GRB10: variants seen among roughly 807,000 people sequenced by gnomAD.
GRB10 encodes the protein growth factor receptor-bound protein 10.
In GRB10, 20 loss-of-function variants were observed where a neutral mutation model predicts 80.9. The ratio of observed to expected loss-of-function variants is 0.25; its 90% confidence interval spans 0.17 to 0.36. GRB10 has a LOEUF of 0.36. Among genes scored for constraint, GRB10 ranks in the 10% least tolerant of loss-of-function variants. The pLI is 1.00. For missense variants in GRB10, 548 were observed against 747.7 expected (o/e 0.73, Z 3.12); for synonymous variants, 291 against 291.5 (o/e 1.00, Z 0.02).
At chr7:50,636,089 TGC>T (rs1217802953) in intron 7 of GRB10, among the ~76,000 whole-genome samples, 1 of 151,134 alleles carries the variant, frequency 6.6e-6, no homozygotes, top group Non-Finnish European at 1.5e-5. Flanking sequence ...GTGATTCTTC[TGC>T]CTCAGCCTCC....
intron 7 of GRB10, among the ~76,000 whole-genome samples, chr7:50,631,075 G>T (rs569189321): frequency 6.6e-6 from 1 of 152,136 alleles, no homozygotes; most frequent in African/African-American, 2.4e-5. Context: ...CCCCCACGGG[G>T]TTGTTGTGTG....
intron 2 of GRB10, among the ~76,000 whole-genome samples, chr7:50,757,022 T>G (rs1162261746): frequency 6.6e-6 from 1 of 152,138 alleles, no homozygotes; most frequent in South Asian, 2.1e-4. Context: ...ATTTTCCTAA[T>G]TGTTAAACGG....
chr7:50,705,304 C>G (rs186483898), intron 4 of GRB10: 1 of 985,550 alleles, frequency 1.0e-6, no homozygotes, highest in Non-Finnish European at 1.2e-6. Context: ...AAGTTGCGTT[C>G]ACACCTTCCT....
At position 50,642,361 on chromosome 7, in the gene GRB10, CATAT is replaced by C. The variant is rs201038118; in HGVS notation, c.505-15387_505-15384del. Among the ~76,000 whole-genome samples, 1,234 of 152,200 alleles carry C rather than the reference CATAT, an allele frequency of 8.1e-3. 15 individuals carry two copies. Among genetic ancestry groups the C allele is most frequent in the African/African-American group, 0.028 (1,177 of 41,512 alleles). On this transcript the variant is annotated intron_variant, in intron 7 of 18. Coordinates refer to ENST00000401949, the MANE Select transcript of GRB10 (RefSeq NM_001350814.2). ...GCATACAGATACACAAATGCACACA[CATAT>C]ATGCCGTATACACCTACATATATGT... is the stretch of plus-strand genomic sequence containing the variant.
chr7:50,730,854 G>A (rs1441141376), intron 4 of GRB10, among the ~76,000 whole-genome samples: 4 of 152,188 alleles, frequency 2.6e-5, no homozygotes, highest in East Asian at 1.9e-4. Context: ...ATACCCAGCC[G>A]AGGACAGCAC....
intron 1 of GRB10, among the ~76,000 whole-genome samples, chr7:50,789,722 A>G (rs1260308013): frequency 1.3e-5 from 2 of 152,204 alleles, no homozygotes; most frequent in African/African-American, 4.8e-5. Context: ...TGTAAAGTAG[A>G]TGGTTCAAAA....
intron 2 of GRB10, chr7:50,762,164 T>C (rs1207685192): frequency 1.3e-5 from 2 of 151,740 alleles, no homozygotes; most frequent in East Asian, 3.9e-4. Flanking sequence ...TTAGAACCGA[T>C]CTGAACGTTT....
intron 2 of GRB10, among the ~76,000 whole-genome samples, chr7:50,773,530 C>G (rs1460818192): frequency 1.4e-5 from 2 of 145,126 alleles, no homozygotes; most frequent in Non-Finnish European, 3.0e-5. Context: ...GAGGAGAGGA[C>G]AGGAAACGAA....
chr7:50,676,723 T>C (rs998530617), intron 5 of GRB10, among the ~76,000 whole-genome samples: 4 of 151,620 alleles, frequency 2.6e-5, no homozygotes, highest in Admixed American at 2.6e-4. Context: ...ACAACAACAA[T>C]GAGGGAGGGA....
intron 3 of GRB10, 57 bp from the exon 4 acceptor site, chr7:50,732,425 A>G: frequency 1.9e-6 from 2 of 1,033,096 alleles, no homozygotes; most frequent in Non-Finnish European, 3.0e-6. Context: ...AAAATCCACT[A>G]CTTATGGCTG....
chr7:50,670,390 C>T (rs916316209), intron 6 of GRB10, among the ~76,000 whole-genome samples: 1 of 151,724 alleles, frequency 6.6e-6, no homozygotes, highest in Non-Finnish European at 1.5e-5. Flanking sequence ...CCGAACTGTA[C>T]CCTGAAAAAA....
At chr7:50,778,848 A>G (rs923212291) in intron 2 of GRB10, among the ~76,000 whole-genome samples, 40 of 152,234 alleles carry the variant, frequency 2.6e-4, no homozygotes, top group African/African-American at 9.2e-4. Context: ...CAATTCCTAC[A>G]TTCTTAAAAG....
chr7:50,777,117 T>C (rs2077740427), intron 2 of GRB10, among the ~76,000 whole-genome samples: 1 of 152,198 alleles, frequency 6.6e-6, no homozygotes, highest in Non-Finnish European at 1.5e-5. Context: ...CTCATGGTTC[T>C]GGAAGAGAGG....
chr7:50,755,799 G>A (rs760441556), intron 3 of GRB10, 88 bp downstream of exon 3: 99 of 398,230 alleles, frequency 2.5e-4, no homozygotes, highest in Middle Eastern at 1.3e-3. Flanking sequence ...ACAGTGACAC[G>A]CATTCACTGA....
rs373877664 is a variant in GRB10, at chr7:50,608,080, T to G, written c.1195-1666A>C. 7.9e-5 allele frequency among the ~76,000 whole-genome samples: 12 copies of G among 152,124 alleles called. No homozygotes were observed. The East Asian group carries it at 1.9e-3, about 24-fold the overall frequency. Reference sequence around the variant, plus strand: ...AGAACAGGTCAGGGGAAATATTTGATGAGATAATGCCAAAAACTTTCCAAA... The same window carrying G: ...AGAACAGGTCAGGGGAAATATTTGAGGAGATAATGCCAAAAACTTTCCAAA... On this transcript the variant is annotated intron_variant, in intron 13 of 18. Transcript: ENST00000401949.
chr7:50,748,759 G>T (rs2073501296), intron 3 of GRB10, among the ~76,000 whole-genome samples: 1 of 152,144 alleles, frequency 6.6e-6, no homozygotes, highest in Non-Finnish European at 1.5e-5. Flanking sequence ...GACCAGTTGG[G>T]GTAAAGGGCA....
intron 2 of GRB10, among the ~76,000 whole-genome samples, chr7:50,767,203 G>A (rs2076438822): frequency 6.6e-6 from 1 of 152,158 alleles, no homozygotes; most frequent in African/African-American, 2.4e-5. Context: ...TGGCTGCCGG[G>A]AAGTCCAAGG....
At chr7:50,617,975 C>A in intron 10 of GRB10, 96 bp downstream of exon 10, 2 of 1,037,800 alleles carry the variant, frequency 1.9e-6, no homozygotes, top group South Asian at 1.3e-5. Context: ...GTGAAAGATG[C>A]GATCTCTTTA....
intron 6 of GRB10, among the ~76,000 whole-genome samples, chr7:50,673,456 C>A (rs1367084860): frequency 6.6e-6 from 1 of 152,182 alleles, no homozygotes; most frequent in Non-Finnish European, 1.5e-5. Context: ...ACCCTCCTCC[C>A]AGGCACTCGA....
Sources: gnomAD v4.1 joint callset for allele counts (sites outside exome capture counted in the v4.1 genomes callset) on GRCh38, gnomAD v4.1.1 for gene constraint, MANE v1.5 for transcripts, NCBI Gene and HGNC (gene_info 2026-07-23, HGNC 2026-07-21) for gene names.